KIAA2012: variants seen among roughly 807,000 people sequenced by gnomAD.
KIAA2012 encodes uncharacterized protein KIAA2012.
KIAA2012 carries 125 observed loss-of-function variants against 150.6 expected under a neutral mutation model. The observed-to-expected ratio is 0.83, with a 90% confidence interval of 0.72 to 0.96. The LOEUF (loss-of-function observed/expected upper bound fraction) is 0.96. Among genes scored for constraint, KIAA2012 ranks in the 40% least tolerant of loss-of-function variants. KIAA2012 has a pLI of 0.00. For missense variants in KIAA2012, 1,219 were observed against 1,354.9 expected, an observed-to-expected ratio of 0.90 and a Z score of 1.57; for synonymous variants, 462 against 504.7, an observed-to-expected ratio of 0.92 and a Z score of 1.13.
chr2:202,201,652 C>T, intron 22 of KIAA2012: 1 of 1,610,806 alleles, frequency 6.2e-7, no homozygotes. Flanking sequence ...GACCCAACAG[C>T]CACAGACTGG....
chr2:202,202,601 TG>T lies in KIAA2012; in HGVS notation c.*20+16del. ...GAAAACTAAAAAGTAAGTTGGGAGA[TG>T]GTGAAAGAAAAGGAGAAATTCCCCT... On this transcript the variant is annotated intron_variant, in intron 23 of 23. Coordinates refer to ENST00000498697, the MANE Select transcript of KIAA2012 (RefSeq NM_001277372.4). 1 of 398,606 alleles carries T rather than the reference TG, an allele frequency of 2.5e-6. No homozygotes were observed. The highest frequency in any genetic ancestry group is 4.4e-6 in the Non-Finnish European group (1 of 225,928). The allele number at this position is 398,606 out of a possible 1,614,324, so 24.7% of individuals were successfully genotyped here.
chr2:202,155,772 C>A (rs914563256), intron 14 of KIAA2012, among the ~76,000 whole-genome samples: 1 of 152,166 alleles, frequency 6.6e-6, no homozygotes, highest in African/African-American at 2.4e-5. Context: ...TGCCCCAATC[C>A]CAATTCTACA....
Position 202,193,391 on chromosome 2 carries a change from A to T in KIAA2012, c.2902A>T (p.Lys968Ter). The part of the protein sequence containing the change: ...AEMRWLEVEK[K>*]RREQEEQRQL... Reference sequence around the variant, plus strand: ...GATGAGGTGGCTGGAGGTGGAGAAGAAGAGAAGGGAGCAGGAAGAGCAAAG... The same window carrying T: ...GATGAGGTGGCTGGAGGTGGAGAAGTAGAGAAGGGAGCAGGAAGAGCAAAG... Residue 968 changes from lysine to a stop codon, truncating the protein, a stop_gained, in exon 20 of 24, where the codon AAG (lysine) becomes TAG (stop). Transcript: ENST00000498697. LOFTEE classifies it high-confidence loss of function. 2 of 1,550,342 alleles carry T rather than the reference A, an allele frequency of 1.3e-6. No homozygotes were observed. Among genetic ancestry groups the T allele is most frequent in the Non-Finnish European group, 1.7e-6 (2 of 1,146,844 alleles).
intron 15 of KIAA2012, among the ~76,000 whole-genome samples, chr2:202,171,806 C>T (rs1691898569): frequency 6.6e-6 from 1 of 151,332 alleles, no homozygotes; most frequent in Admixed American, 6.6e-5. Context: ...GCCAATTTTC[C>T]ACTTAGGGGT....
intron 21 of KIAA2012, among the ~76,000 whole-genome samples, chr2:202,194,572 C>G (rs1692380039): frequency 6.6e-6 from 1 of 152,214 alleles, no homozygotes; most frequent in African/African-American, 2.4e-5. Context: ...GTGGAAATGA[C>G]TCCAGAGTCC....
intron 15 of KIAA2012, among the ~76,000 whole-genome samples, chr2:202,174,971 TTCAG>T (rs1197780040): frequency 5.3e-5 from 8 of 152,230 alleles, no homozygotes; most frequent in Admixed American, 4.6e-4. Context: ...TAATTGAATA[TTCAG>T]TCAGTTTTCA....
rs746757952 is a variant in KIAA2012, at chr2:202,074,893, T to C, written c.87T>C (p.Asp29=). 1.1e-4 allele frequency: 166 copies of C among 1,543,696 alleles called. No individual in the cohort carries two copies. The highest frequency in any genetic ancestry group is 1.4e-4 in the Non-Finnish European group (156 of 1,144,776). The part of the protein sequence containing the change: ...QKLEVYFEPE[D]YLNWRSPEDY... ...AAAGTGGCTGCTTCTCATTGCAGGA[T>C]TACTTGAACTGGAGGTCCCCAGAAG... The change falls in exon 2 of 24, where the codon GAT becomes GAC. Residue 29 remains aspartate (D), a splice_region_variant and synonymous_variant. Transcript: ENST00000498697.
At chr2:202,129,416 C>T (rs1690873048) in intron 12 of KIAA2012, among the ~76,000 whole-genome samples, 1 of 152,038 alleles carries the variant, frequency 6.6e-6, no homozygotes, top group African/African-American at 2.4e-5. Flanking sequence ...GATAGGGTCT[C>T]ACCATGTTGG....
At chr2:202,138,102 T>C (rs1691117300) in intron 12 of KIAA2012, 1 of 179,454 alleles carries the variant, frequency 5.6e-6, no homozygotes. Context: ...CAGATTTTTT[T>C]CCATCAATAT....
chr2:202,165,978 A>AGAGT (rs1691750702), intron 15 of KIAA2012, among the ~76,000 whole-genome samples: 1 of 152,246 alleles, frequency 6.6e-6, no homozygotes, highest in African/African-American at 2.4e-5. Flanking sequence ...TTTTCAAGGC[A>AGAGT]GAGTGACACT....
In KIAA2012 at chr2:202,090,932, C is replaced by G. The variant is rs1014449478; in HGVS notation, c.529+3C>G. On this transcript the variant is annotated splice_donor_region_variant and intron_variant, in intron 3 of 23. Coordinates refer to ENST00000498697, the MANE Select transcript of KIAA2012 (RefSeq NM_001277372.4). ...CATGTATAGGCTCTGGTGCGCAGGT[C>G]AGTGGGGAAATGGGAGGGGGGCACA... is the stretch of plus-strand genomic sequence containing the variant. The G allele has an allele frequency of 6.5e-7, 1 of 1,539,944 alleles. No individual in the cohort carries two copies. The highest frequency in any genetic ancestry group is 1.4e-5 in the African/African-American group (1 of 72,838).
chr2:202,179,564 C>T (rs1480622270), intron 15 of KIAA2012: 4 of 673,956 alleles, frequency 5.9e-6, no homozygotes, highest in African/African-American at 1.8e-5. Context: ...GCACACAGCT[C>T]GAAACTAGCT....
chr2:202,173,874 G>A (rs1441212132), intron 15 of KIAA2012, among the ~76,000 whole-genome samples: 2 of 152,184 alleles, frequency 1.3e-5, no homozygotes, highest in Admixed American at 6.5e-5. Flanking sequence ...AAGAATAGAA[G>A]AGGGCTTCTT....
chr2:202,126,582 C>A (rs1016917908), intron 12 of KIAA2012, among the ~76,000 whole-genome samples: 1 of 150,072 alleles, frequency 6.7e-6, no homozygotes, highest in Non-Finnish European at 1.5e-5. Context: ...GCCAGAGCAG[C>A]TCTTAAATAG....
Position 202,125,192 on chromosome 2 carries a change from A to C in KIAA2012, c.1763-22A>C, listed in dbSNP as rs1281259584. On this transcript the variant is annotated intron_variant, in intron 11 of 23. Transcript: ENST00000498697. ...ACAAGACTTTTTCCCGCTCTCAGGT[A>C]AAATATCTTACTGTTTTTCAGCCTA... 3.2e-6 allele frequency: 5 copies of C among 1,542,602 alleles called. No individual in the cohort carries two copies. The South Asian group carries it at 4.8e-5, about 15-fold the overall frequency.
intron 19 of KIAA2012, among the ~76,000 whole-genome samples, chr2:202,193,064 A>C (rs1692350144): frequency 6.6e-6 from 1 of 152,168 alleles, no homozygotes; most frequent in Non-Finnish European, 1.5e-5. Flanking sequence ...CAATATCGGG[A>C]AGTTTAAGTT....
chr2:202,106,760 T>G (rs1236632506), intron 9 of KIAA2012, among the ~76,000 whole-genome samples: 1 of 152,150 alleles, frequency 6.6e-6, no homozygotes, highest in East Asian at 1.9e-4. Context: ...TTCCATGACG[T>G]GGACATTTGA....
At chr2:202,183,394 G>A (rs1009928878) in intron 15 of KIAA2012, among the ~76,000 whole-genome samples, 7 of 149,938 alleles carry the variant, frequency 4.7e-5, no homozygotes, top group African/African-American at 1.5e-4. Context: ...CACTCCAGCC[G>A]GGGCGACAGA....
intron 21 of KIAA2012, 35 bp from the exon 22 acceptor site, chr2:202,196,765 T>A: frequency 3.3e-6 from 5 of 1,530,916 alleles, no homozygotes; most frequent in Non-Finnish European, 4.4e-6. Context: ...CTAAAAATGA[T>A]CCCTGCTGAG....
Sources: gnomAD v4.1 joint callset for allele counts (sites outside exome capture counted in the v4.1 genomes callset) on GRCh38, gnomAD v4.1.1 for gene constraint, MANE v1.5 for transcripts, NCBI Gene and HGNC (gene_info 2026-07-23, HGNC 2026-07-21) for gene names.